The following CCDC158 variants were observed in gnomAD, a reference collection of about 807,000 sequenced individuals.
CCDC158 encodes the protein coiled-coil domain containing 158.
Under a neutral mutation model 138.6 loss-of-function variants are expected in CCDC158, and 116 were observed. The observed-to-expected ratio is 0.84, with a 90% CI of 0.72 to 0.98. The LOEUF (loss-of-function observed/expected upper bound fraction) is 0.98, where lower values mean the gene tolerates loss of function less well. CCDC158 is among the 50% of genes least tolerant of loss of function. The pLI is 0.00. For missense variants in CCDC158, 1,265 were observed against 1,306.1 expected (o/e 0.97, Z 0.48); for synonymous variants, 436 against 442.4 (o/e 0.99, Z 0.18).
Position 76,367,794 on chromosome 4 carries a change from G to A in CCDC158, c.1348-18C>T, listed in dbSNP as rs368015514. On this transcript the variant is annotated intron_variant, in intron 11 of 24. Transcript: ENST00000682701. ...GCTGCCATCTGATTGTTAAAGAAAA[G>A]AGAATTTCATAGATTTGGGAGGATA... is the stretch of plus-strand genomic sequence containing the variant. 2.1e-5 allele frequency: 33 copies of A among 1,582,922 alleles called. No homozygotes were observed. The African/African-American group carries it at 4.2e-4, about 20-fold the overall frequency.
chr4:76,344,834 T>A, intron 18 of CCDC158: 1 of 1,596,938 alleles, frequency 6.3e-7, no homozygotes, highest in African/African-American at 1.3e-5. Context: ...CGGGAGAGGG[T>A]GAAGGGTCTA....
intron 4 of CCDC158, among the ~76,000 whole-genome samples, chr4:76,394,072 G>A (rs766657141): frequency 4.6e-5 from 7 of 152,036 alleles, no homozygotes; most frequent in Non-Finnish European, 1.0e-4. Context: ...ACAGTTTGGA[G>A]GTCTCTCAAA....
Position 76,313,154 on chromosome 4 carries a change from A to C in CCDC158, c.*16T>G. 4 of 1,552,460 alleles carry C rather than the reference A, an allele frequency of 2.6e-6. No individual in the cohort carries two copies. The highest frequency in any genetic ancestry group is 3.5e-6 in the Non-Finnish European group (4 of 1,131,914). ...ATTGGGCCTCATTCCTCTGTAAAGA[A>C]TAGGCAAGCAACGAGTCATTTTAGT... On this transcript the variant is annotated 3_prime_UTR_variant, in exon 25 of 25. Transcript: ENST00000682701.
intron 1 of CCDC158, among the ~76,000 whole-genome samples, chr4:76,420,349 T>G (rs1228704147): frequency 6.6e-6 from 1 of 152,250 alleles, no homozygotes; most frequent in Non-Finnish European, 1.5e-5. Flanking sequence ...ACAGCCGACC[T>G]CACTTCTACT....
chr4:76,344,559 G>A (rs1280482208), intron 18 of CCDC158: 7 of 1,062,152 alleles, frequency 6.6e-6, no homozygotes, highest in Admixed American at 1.7e-5. Context: ...GCTGACATCT[G>A]TATCTCTGGA....
chr4:76,339,986 G>A (rs1721901427), intron 18 of CCDC158, among the ~76,000 whole-genome samples: 1 of 152,170 alleles, frequency 6.6e-6, no homozygotes, highest in Non-Finnish European at 1.5e-5. Context: ...TTTGGGTTAT[G>A]AGAGCCGCTC....
Position 76,367,315 on chromosome 4 carries a change from C to G in CCDC158, c.1809G>C (p.Arg603=). The change falls in exon 12 of 25, where the codon CGG becomes CGC. Residue 603 remains arginine, a synonymous_variant. Coordinates refer to ENST00000682701, the MANE Select transcript of CCDC158 (RefSeq NM_001394954.1). The part of the protein sequence containing the change: ...AQLEKEINDR[R]MELKELKILK... Reference sequence around the variant, plus strand: ...AGACCTTAAGTTCCTTTAGTTCCATCCGCCTATCATTAATTTCTTTCTCCA... The same window carrying G: ...AGACCTTAAGTTCCTTTAGTTCCATGCGCCTATCATTAATTTCTTTCTCCA... The G allele has an allele frequency of 6.2e-7, 1 of 1,612,778 alleles. No individual in the cohort carries two copies. Among genetic ancestry groups the G allele is most frequent in the East Asian group, 2.2e-5 (1 of 44,858 alleles).
At chr4:76,322,601 A>C (rs17001780) in intron 24 of CCDC158, among the ~76,000 whole-genome samples, 4,025 of 152,240 alleles carry the variant, frequency 0.026, 176 homozygotes, top group African/African-American at 0.092. Flanking sequence ...TTTACCCAGC[A>C]ATTTATTGTT....
chr4:76,362,154 T>G lies in CCDC158; in HGVS notation c.1992A>C (p.Thr664=), dbSNP rs753132943. 7.4e-6 allele frequency: 12 copies of G among 1,613,870 alleles called. No homozygotes were observed. Among genetic ancestry groups the G allele is most frequent in the Non-Finnish European group, 1.0e-5 (12 of 1,180,010 alleles). ...ERDQLLNEVK[T]SRSELNNLSE... is the part of the protein sequence containing the mutation. The stretch of plus-strand genomic sequence containing the variant: ...AAAGATTGTTTAATTCACTCCTACT[T>G]GTTTTCACCTCATTTAATAATTGAT... The change falls in exon 13 of 25, where the codon ACA becomes ACC. Residue 664 remains threonine (T), a synonymous_variant. Coordinates refer to ENST00000682701, the MANE Select transcript of CCDC158 (RefSeq NM_001394954.1).
intron 17 of CCDC158, 117 bp downstream of exon 17, chr4:76,351,603 A>G (rs1723045939): frequency 4.6e-6 from 3 of 646,946 alleles, no homozygotes; most frequent in Admixed American, 5.0e-5. Context: ...TGCTATTAAT[A>G]GTATCAAGTA....
chr4:76,403,412 A>G (rs1190737068), intron 2 of CCDC158, 132 bp from the exon 3 acceptor site: 2 of 419,880 alleles, frequency 4.8e-6, no homozygotes, highest in Non-Finnish European at 8.3e-6. Context: ...TTATTTATAC[A>G]GAAATACATT....
intron 18 of CCDC158, among the ~76,000 whole-genome samples, chr4:76,336,797 T>C (rs998099126): frequency 6.6e-6 from 1 of 152,244 alleles, no homozygotes; most frequent in Admixed American, 6.5e-5. Flanking sequence ...AGCAGAGAAC[T>C]GTCCCCCTTG....
chr4:76,350,022 A>G (rs1722908430), intron 18 of CCDC158, among the ~76,000 whole-genome samples: 1 of 152,194 alleles, frequency 6.6e-6, no homozygotes, highest in African/African-American at 2.4e-5. Flanking sequence ...GTGCAAAATT[A>G]CTTTTGGAAA....
intron 2 of CCDC158, among the ~76,000 whole-genome samples, chr4:76,411,598 C>T (rs1053635866): frequency 1.3e-5 from 2 of 152,144 alleles, no homozygotes; most frequent in African/African-American, 4.8e-5. Flanking sequence ...AATTAAGCTA[C>T]TTACGATCGC....
chr4:76,313,750 A>G (rs1719107908), intron 24 of CCDC158, among the ~76,000 whole-genome samples: 1 of 152,196 alleles, frequency 6.6e-6, no homozygotes, highest in South Asian at 2.1e-4. Flanking sequence ...ACCATAAGCA[A>G]TTTGGTGAAT....
At chr4:76,381,187 C>A (rs1166861832) in intron 8 of CCDC158, among the ~76,000 whole-genome samples, 1 of 152,202 alleles carries the variant, frequency 6.6e-6, no homozygotes, top group Non-Finnish European at 1.5e-5. Flanking sequence ...CTTAGTGGAG[C>A]TGTGAGAAGA....
At chr4:76,401,156 A>G (rs537182770) in intron 3 of CCDC158, 3 of 275,130 alleles carry the variant, frequency 1.1e-5, no homozygotes, top group African/African-American at 6.8e-5. Context: ...CATGTGCAGA[A>G]AATAGGTGTA....
intron 8 of CCDC158, among the ~76,000 whole-genome samples, chr4:76,380,297 C>T (rs1315707421): frequency 2.0e-5 from 3 of 152,128 alleles, no homozygotes; most frequent in Non-Finnish European, 4.4e-5. Flanking sequence ...ATGGTTGTGA[C>T]CAAAATGCTG....
chr4:76,348,268 CAAAAAA>C lies in CCDC158; in HGVS notation c.2664+2722_2664+2727del, dbSNP rs11453657. ...TGAAACCCCGTCTCTACTAAATATA[CAAAAAA>C]AAAAAAAAAAATTAGCCAGGCGAGG... On this transcript the variant is annotated intron_variant, in intron 18 of 24. Transcript: ENST00000682701. Among the ~76,000 whole-genome samples the C allele has an allele frequency of 3.2e-3, 407 of 125,946 alleles. 2 individuals carry two copies. Among genetic ancestry groups the C allele is most frequent in the African/African-American group, 0.011 (369 of 33,548 alleles). 82.6% of individuals were successfully genotyped at this position (125,946 alleles called of 152,430 possible). A position where few individuals can be genotyped will look rare whatever the true frequency, so the allele number is the denominator to read the frequency against.
Sources: allele counts gnomAD v4.1 joint callset (sites outside exome capture counted in the v4.1 genomes callset), GRCh38; gene constraint gnomAD v4.1.1; transcripts MANE v1.5; gene names NCBI Gene and HGNC (gene_info 2026-07-23, HGNC 2026-07-21).